The following NBEAL1 variants were observed in gnomAD, a reference collection of about 807,000 sequenced individuals.
NBEAL1 encodes the protein neurobeachin like 1.
NBEAL1 carries 273 observed loss-of-function variants against 351.3 expected under a neutral mutation model. The ratio of observed to expected loss-of-function variants is 0.78; its 90% CI spans 0.70 to 0.86. The LOEUF (loss-of-function observed/expected upper bound fraction) is 0.86. NBEAL1 is among the 40% of genes least tolerant of loss of function. The probability of loss-of-function intolerance (pLI) is 0.00; values close to 1 mark genes in which losing one functional copy is unlikely to be tolerated. For missense variants in NBEAL1, 2,961 were observed against 3,201.3 expected, an observed-to-expected ratio of 0.92 and a Z score of 1.81; for synonymous variants, 1,050 against 1,086.4, an observed-to-expected ratio of 0.97 and a Z score of 0.66.
At chr2:203,091,549 G>T (rs2062064531) in intron 10 of NBEAL1, among the ~76,000 whole-genome samples, 1 of 152,016 alleles carries the variant, frequency 6.6e-6, no homozygotes. Flanking sequence ...CTTCTGTATT[G>T]TTTTCCATAG....
intron 47 of NBEAL1, among the ~76,000 whole-genome samples, chr2:203,196,328 A>G (rs759390815): frequency 6.6e-6 from 1 of 152,174 alleles, no homozygotes; most frequent in African/African-American, 2.4e-5. Context: ...AAAGAACACA[A>G]TAGATTTCCT....
chr2:203,073,807 G>T (rs575489145), intron 7 of NBEAL1, among the ~76,000 whole-genome samples: 1 of 152,128 alleles, frequency 6.6e-6, no homozygotes, highest in African/African-American at 2.4e-5. Context: ...TAGAGTGAAA[G>T]GTCAGTCTTT....
chr2:203,038,594 G>A lies in NBEAL1; in HGVS notation c.52-3171G>A, dbSNP rs1364240804. Among the ~76,000 whole-genome samples the A allele has an allele frequency of 2.7e-5, 4 of 148,840 alleles. 1 individual carries two copies. The highest frequency in any genetic ancestry group is 4.5e-5 in the Non-Finnish European group (3 of 66,430). Reference sequence around the variant, plus strand: ...GGAGATCTTTATGTTTTTCATACAAGTCCCTGAGAATATTTTCAGCCAGTG... The same window carrying A: ...GGAGATCTTTATGTTTTTCATACAAATCCCTGAGAATATTTTCAGCCAGTG... On this transcript the variant is annotated intron_variant, in intron 2 of 55. Coordinates refer to ENST00000683969, the MANE Select transcript of NBEAL1 (RefSeq NM_001378026.1).
chr2:203,113,821 CTTTT>C (rs34496672), intron 17 of NBEAL1, among the ~76,000 whole-genome samples: 3 of 114,692 alleles, frequency 2.6e-5, no homozygotes, highest in African/African-American at 3.2e-5. Context: ...CTGTGTCTCT[CTTTT>C]TTTTTTTTTT....
chr2:203,053,682 A>AT (rs980489367), intron 4 of NBEAL1, among the ~76,000 whole-genome samples: 87 of 151,232 alleles, frequency 5.8e-4, no homozygotes, highest in Admixed American at 1.1e-3. Flanking sequence ...TGCTTGGCTG[A>AT]TTTTTTTTAA....
intron 55 of NBEAL1, among the ~76,000 whole-genome samples, chr2:203,215,653 A>G (rs186476146): frequency 5.9e-5 from 9 of 151,720 alleles, no homozygotes; most frequent in Non-Finnish European, 2.9e-5. Flanking sequence ...GTGCCACTGC[A>G]CTTCCAGCCT....
At chr2:203,025,348 A>G (rs892422730) in intron 2 of NBEAL1, among the ~76,000 whole-genome samples, 5 of 152,202 alleles carry the variant, frequency 3.3e-5, no homozygotes, top group African/African-American at 1.2e-4. Flanking sequence ...AAATTTCTAT[A>G]TGGAGCTTAT....
intron 36 of NBEAL1, among the ~76,000 whole-genome samples, chr2:203,159,869 T>C (rs536226497): frequency 3.5e-4 from 53 of 152,084 alleles, no homozygotes; most frequent in Admixed American, 1.0e-3. Context: ...ATGAGTGTTC[T>C]AATTTCTCCA....
chr2:203,209,713 ATGTGTG>A (rs56169732), intron 53 of NBEAL1, among the ~76,000 whole-genome samples: 26 of 138,684 alleles, frequency 1.9e-4, no homozygotes, highest in East Asian at 1.3e-3. Flanking sequence ...TTTAATTAAT[ATGTGTG>A]TGTGTGTGTG....
intron 4 of NBEAL1, among the ~76,000 whole-genome samples, chr2:203,055,765 T>C (rs768237717): frequency 5.1e-4 from 77 of 152,330 alleles, no homozygotes; most frequent in Non-Finnish European, 7.5e-4. Flanking sequence ...TTAGGTATAG[T>C]AAATATTGTC....
At chr2:203,118,496 A>G (rs1382819965) in intron 18 of NBEAL1, among the ~76,000 whole-genome samples, 3 of 151,722 alleles carry the variant, frequency 2.0e-5, no homozygotes, top group Non-Finnish European at 4.4e-5. Context: ...TCTTACACCT[A>G]TTTTCATTCT....
intron 31 of NBEAL1, among the ~76,000 whole-genome samples, chr2:203,141,869 G>A (rs569261714): frequency 6.6e-6 from 1 of 152,190 alleles, no homozygotes; most frequent in East Asian, 1.9e-4. Flanking sequence ...TGTTTTATTT[G>A]GCTCATACAT....
chr2:203,129,892 T>C (rs891599425), intron 24 of NBEAL1, among the ~76,000 whole-genome samples: 2 of 152,194 alleles, frequency 1.3e-5, no homozygotes, highest in Non-Finnish European at 2.9e-5. Flanking sequence ...GACAAAAGCA[T>C]ATCTGGTTCA....
chr2:203,151,916 A>G (rs1283155946), intron 35 of NBEAL1, among the ~76,000 whole-genome samples: 1 of 152,114 alleles, frequency 6.6e-6, no homozygotes, highest in Non-Finnish European at 1.5e-5. Flanking sequence ...ACTGAGGCTA[A>G]TACTAATGTT....
rs571750101 is a variant in NBEAL1 at position 203,035,917 on chromosome 2, T to C, written c.52-5848T>C. Among the ~76,000 whole-genome samples the C allele has an allele frequency of 2.7e-5, 4 of 149,434 alleles. No individual in the cohort carries two copies. In the East Asian group the frequency reaches 5.8e-4, roughly 22 times the overall value. ...TGAGCATATACTATGTGCTAGGCAT[T>C]CTAAGCCCTTGATATGGGTTAAATT... On this transcript the variant is annotated intron_variant, in intron 2 of 55. Transcript: ENST00000683969.
chr2:203,167,920 A>G (rs1024689817), intron 38 of NBEAL1, among the ~76,000 whole-genome samples: 2 of 151,606 alleles, frequency 1.3e-5, no homozygotes, highest in Non-Finnish European at 2.9e-5. Context: ...TAGCTCTCCC[A>G]TTTTCTCTCG....
chr2:203,183,116 C>A, intron 43 of NBEAL1, 163 bp from the exon 44 acceptor site: 1 of 408,326 alleles, frequency 2.4e-6, no homozygotes, highest in Non-Finnish European at 4.4e-6. Context: ...TAATTTAAAA[C>A]TCGTTATTTT....
chr2:203,079,500 C>T (rs994056284), intron 8 of NBEAL1, among the ~76,000 whole-genome samples: 2 of 152,080 alleles, frequency 1.3e-5, no homozygotes, highest in Admixed American at 1.3e-4. Context: ...TTTTTTCCAT[C>T]CAAGTTTATA....
At chr2:203,118,893 TG>T (rs1224921369) in intron 18 of NBEAL1, among the ~76,000 whole-genome samples, 1 of 152,132 alleles carries the variant, frequency 6.6e-6, no homozygotes, top group Non-Finnish European at 1.5e-5. Flanking sequence ...TGGGCCTGAC[TG>T]GTCTTTTTGA....
Sources: allele counts gnomAD v4.1 joint callset (sites outside exome capture counted in the v4.1 genomes callset), GRCh38; gene constraint gnomAD v4.1.1; transcripts MANE v1.5; gene names NCBI Gene and HGNC (gene_info 2026-07-23, HGNC 2026-07-21).